The following RIC1 variants were observed in gnomAD, a reference collection of about 807,000 sequenced individuals.
RIC1 encodes guanine nucleotide exchange factor subunit RIC1.
In RIC1, 88 loss-of-function variants were observed where a neutral mutation model predicts 169.0. The ratio of observed to expected loss-of-function variants is 0.52; its 90% CI spans 0.44 to 0.62. The LOEUF (loss-of-function observed/expected upper bound fraction) is 0.62, where lower values mean the gene tolerates loss of function less well. Ranked by LOEUF, RIC1 falls within the 20% of genes least tolerant of loss-of-function variation. RIC1 has a pLI of 0.00. For missense variants in RIC1, 1,877 were observed against 1,725.5 expected, an observed-to-expected ratio of 1.09 and a Z score of -1.56; for synonymous variants, 790 against 601.5, an observed-to-expected ratio of 1.31 and a Z score of -4.59.
At position 5,773,059 on chromosome 9, in the gene RIC1, A is replaced by C. The variant is rs778495890; in HGVS notation, c.3962A>C (p.Asp1321Ala). Reference sequence around the variant, plus strand: ...ATAAAGACAGGGCTCCATGCAGTGGACCGATGGGCCTCTACAGACTGGTAA... The same window carrying C: ...ATAAAGACAGGGCTCCATGCAGTGGCCCGATGGGCCTCTACAGACTGGTAA... Reference protein sequence around the residue: ...QNIKTGLHAVDRWASTDCPGY... With the variant: ...QNIKTGLHAVARWASTDCPGY... The change falls in exon 25 of 26, where the codon GAC (aspartate) becomes GCC (alanine). Residue 1321 changes from aspartate (D) to alanine (A), a missense_variant. Asp to Ala is a moderately radical substitution (Grantham distance 126). Around this residue, in one of 3 missense-constraint regions of RIC1, gnomAD observed 681 missense variants for 582.0 expected, o/e 1.17. Coordinates refer to ENST00000414202, the MANE Select transcript of RIC1 (RefSeq NM_020829.4). The C allele has an allele frequency of 6.2e-7, 1 of 1,612,282 alleles. No homozygotes were observed. The highest frequency in any genetic ancestry group is 1.1e-5 in the South Asian group (1 of 90,816).
In RIC1 at chr9:5,763,966, TTC is replaced by T; in HGVS notation, c.2841+99_2841+100del. 7.4e-7 allele frequency: 1 copy of T among 1,342,880 alleles called. No individual in the cohort carries two copies. The highest frequency in any genetic ancestry group is 1.0e-6 in the Non-Finnish European group (1 of 984,942). 83.2% of individuals were successfully genotyped at this position (1,342,880 alleles called of 1,614,324 possible). On this transcript the variant is annotated intron_variant, in intron 19 of 25. Coordinates refer to ENST00000414202, the MANE Select transcript of RIC1 (RefSeq NM_020829.4). This position sits in a 1 kb window ranked among gnomAD's most constrained non-coding sequence, Gnocchi z 5.2. Reference sequence around the variant, plus strand: ...TGACACCATGATTGTGTTTAAGGAATTCATAGTCAAATTTTCTGTTTATATCT... The same window carrying T: ...TGACACCATGATTGTGTTTAAGGAATATAGTCAAATTTTCTGTTTATATCT...
chr9:5,676,680 A>G (rs1820468905), intron 2 of RIC1, among the ~76,000 whole-genome samples: 1 of 152,238 alleles, frequency 6.6e-6, no homozygotes, highest in Admixed American at 6.5e-5. Flanking sequence ...AATGGGGTTT[A>G]AAGAAAAAAA....
At position 5,770,075 on chromosome 9, in the gene RIC1, C is replaced by G. The variant is rs143455136; in HGVS notation, c.3425-12C>G. On this transcript the variant is annotated splice_polypyrimidine_tract_variant and intron_variant, in intron 22 of 25. Transcript: ENST00000414202. ...TCTTCCTCCATTTTTTGTTTTCGGACCCACTCTGCAGTGGGAGAGCAGCTG... is the reference window on the plus strand; with the variant it reads ...TCTTCCTCCATTTTTTGTTTTCGGAGCCACTCTGCAGTGGGAGAGCAGCTG... The G allele has an allele frequency of 1.3e-6, 2 of 1,588,910 alleles. No individual in the cohort carries two copies. The highest frequency in any genetic ancestry group is 2.7e-5 in the African/African-American group (2 of 73,736).
intron 3 of RIC1, among the ~76,000 whole-genome samples, chr9:5,692,212 A>G (rs1328509620): frequency 2.0e-5 from 3 of 152,214 alleles, no homozygotes; most frequent in East Asian, 1.9e-4. Context: ...TTGGTGTCAG[A>G]TAGACCTGAA....
intron 1 of RIC1, among the ~76,000 whole-genome samples, chr9:5,644,979 G>T (rs987371752): frequency 2.6e-5 from 4 of 152,100 alleles, no homozygotes; most frequent in African/African-American, 4.8e-5. Flanking sequence ...ACTAAAAAAT[G>T]TTTGGCATGA....
rs1227008706 is a variant in RIC1, at chr9:5,763,927, GA to G, written c.2841+62del. ...TAATGAGCTTAAACTTAGAAAAATA[GA>G]AATGTCCTGTTTTGACACCATGATT... On this transcript the variant is annotated intron_variant, in intron 19 of 25. Coordinates refer to ENST00000414202, the MANE Select transcript of RIC1 (RefSeq NM_020829.4). This position sits in a 1 kb window ranked among gnomAD's most constrained non-coding sequence, Gnocchi z 5.2. The G allele has an allele frequency of 1.3e-6, 2 of 1,506,992 alleles. No individual in the cohort carries two copies. The highest frequency in any genetic ancestry group is 1.8e-6 in the Non-Finnish European group (2 of 1,121,800). The allele number at this position is 1,506,992 out of a possible 1,614,324, so 93.4% of individuals were successfully genotyped here. A position where few individuals can be genotyped will look rare whatever the true frequency, so the allele number is the denominator to read the frequency against.
intron 1 of RIC1, among the ~76,000 whole-genome samples, chr9:5,647,503 C>A (rs1235717476): frequency 6.6e-6 from 1 of 152,170 alleles, no homozygotes; most frequent in Admixed American, 6.5e-5. Context: ...GCAGTTTTCA[C>A]TGTAGAAGTC....
At chr9:5,739,209 C>G (rs966745057) in intron 8 of RIC1, among the ~76,000 whole-genome samples, 11 of 152,154 alleles carry the variant, frequency 7.2e-5, no homozygotes, top group African/African-American at 2.7e-4. Flanking sequence ...GGATCCCTTC[C>G]TCTACATTAA....
At chr9:5,691,764 A>G (rs1821602456) in intron 3 of RIC1, among the ~76,000 whole-genome samples, 1 of 151,994 alleles carries the variant, frequency 6.6e-6, no homozygotes, top group Non-Finnish European at 1.5e-5. Flanking sequence ...CTATAAATAA[A>G]AAGCAGTAAT....
rs757044532 is a variant in RIC1, at chr9:5,738,463, G to A, written c.826G>A (p.Val276Ile). 9 of 1,602,090 alleles carry A rather than the reference G, an allele frequency of 5.6e-6. No homozygotes were observed. The highest frequency in any genetic ancestry group is 6.8e-6 in the Non-Finnish European group (8 of 1,176,064). ...TTGTTTTCACAGTGGTTCTGTGCAG[G>A]TCTATACAATAGATAACAGCACTGG... ...AFGCVSGSVQ[V>I]YTIDNSTGAM... is the part of the protein sequence containing the mutation. Residue 276 changes from valine (V) to isoleucine (I), a missense_variant, in exon 8 of 26, where the codon GTC (valine) becomes ATC (isoleucine). Around this residue, in one of 3 missense-constraint regions of RIC1, gnomAD observed 1,104 missense variants for 992.0 expected, o/e 1.11. Transcript: ENST00000414202.
At chr9:5,647,401 G>A (rs576365879) in intron 1 of RIC1, among the ~76,000 whole-genome samples, 3 of 152,302 alleles carry the variant, frequency 2.0e-5, no homozygotes, top group African/African-American at 7.2e-5. Flanking sequence ...GCTTTGGGTA[G>A]TATTGACATC....
chr9:5,709,820 G>A (rs763754206), intron 3 of RIC1, among the ~76,000 whole-genome samples: 2 of 152,072 alleles, frequency 1.3e-5, no homozygotes, highest in South Asian at 2.1e-4. Flanking sequence ...ACTTTCCTGC[G>A]AGATGTATCT....
chr9:5,726,361 T>TA (rs1823984929), intron 6 of RIC1, among the ~76,000 whole-genome samples: 1 of 152,160 alleles, frequency 6.6e-6, no homozygotes, highest in Non-Finnish European at 1.5e-5. Context: ...TTTTATCAGA[T>TA]ACTAGGATTG....
chr9:5,736,105 T>C (rs553974482), intron 7 of RIC1, among the ~76,000 whole-genome samples: 89 of 152,374 alleles, frequency 5.8e-4, no homozygotes, highest in Non-Finnish European at 1.9e-4. Context: ...CTACTTCTTA[T>C]ATTTAAAACA....
intron 12 of RIC1, among the ~76,000 whole-genome samples, chr9:5,751,176 A>G (rs1175131925): frequency 6.6e-6 from 1 of 151,728 alleles, no homozygotes; most frequent in Non-Finnish European, 1.5e-5. Flanking sequence ...GGTTTGAGGG[A>G]GGTAAGGATT....
chr9:5,649,881 A>G (rs1818709556), intron 1 of RIC1, among the ~76,000 whole-genome samples: 1 of 151,940 alleles, frequency 6.6e-6, no homozygotes. Context: ...TTGGTTGGGT[A>G]GGGCACCTTG....
At chr9:5,733,050 C>G (rs904380192) in intron 7 of RIC1, among the ~76,000 whole-genome samples, 6 of 151,978 alleles carry the variant, frequency 3.9e-5, no homozygotes, top group Non-Finnish European at 8.8e-5. Context: ...CTTGGTTGAG[C>G]TTAAATTTTA....
intron 7 of RIC1, among the ~76,000 whole-genome samples, chr9:5,734,060 A>G (rs1824541694): frequency 6.8e-6 from 1 of 147,118 alleles, no homozygotes. Flanking sequence ...ATATTTAAAT[A>G]TTATAAATAT....
intron 20 of RIC1, 34 bp from the exon 21 acceptor site, chr9:5,765,628 C>G: frequency 1.9e-6 from 3 of 1,614,052 alleles, no homozygotes; most frequent in Non-Finnish European, 2.5e-6. Context: ...TAGCATCTTT[C>G]TCTAATGGTA....
Sources: allele counts gnomAD v4.1 joint callset (sites outside exome capture counted in the v4.1 genomes callset), GRCh38; gene constraint gnomAD v4.1.1; regional missense constraint gnomAD v4.1.1; non-coding constraint Gnocchi (gnomAD v3.1); transcripts MANE v1.5; gene names NCBI Gene and HGNC (gene_info 2026-07-23, HGNC 2026-07-21).